Variants in NKAIN3 observed in about 807,000 individuals in gnomAD.
NKAIN3 encodes sodium/potassium transporting ATPase interacting 3, also known as sodium/potassium-transporting ATPase subunit beta-1-interacting protein 3.
NKAIN3 carries 25 observed loss-of-function variants against 30.2 expected under a neutral mutation model. The observed-to-expected ratio is 0.83, with a 90% CI of 0.60 to 1.16. The LOEUF (loss-of-function observed/expected upper bound fraction) is 1.16, where lower values mean the gene tolerates loss of function less well. Ranked by LOEUF, NKAIN3 falls within the 50% of genes most tolerant of loss-of-function variation. The pLI is 0.00. For missense variants in NKAIN3, 225 were observed against 254.1 expected, an observed-to-expected ratio of 0.89 and a Z score of 0.78; for synonymous variants, 91 against 89.6, an observed-to-expected ratio of 1.02 and a Z score of -0.09.
chr8:62,847,697 G>C (rs1006223487), intron 4 of NKAIN3, among the ~76,000 whole-genome samples: 1 of 151,946 alleles, frequency 6.6e-6, no homozygotes, highest in Non-Finnish European at 1.5e-5. Context: ...AGACCCCATC[G>C]GTCAATTTTT....
At chr8:62,481,443 T>C (rs1166615651) in intron 1 of NKAIN3, among the ~76,000 whole-genome samples, 4 of 152,148 alleles carry the variant, frequency 2.6e-5, no homozygotes, top group Non-Finnish European at 5.9e-5. Context: ...AACTCTATCA[T>C]TGGACTTACC....
chr8:62,466,021 T>G (rs1435535663), intron 1 of NKAIN3, among the ~76,000 whole-genome samples: 2 of 151,656 alleles, frequency 1.3e-5, no homozygotes, highest in African/African-American at 4.8e-5. Flanking sequence ...CGAGAGTCCA[T>G]CTAAAAAGAA....
chr8:62,345,169 T>C (rs959488852), intron 1 of NKAIN3, among the ~76,000 whole-genome samples: 4 of 151,636 alleles, frequency 2.6e-5, no homozygotes, highest in African/African-American at 7.3e-5. Context: ...ATCCTGGAAC[T>C]TTACCACATT....
intron 3 of NKAIN3, among the ~76,000 whole-genome samples, chr8:62,723,418 C>T (rs1284933483): frequency 6.6e-6 from 1 of 152,078 alleles, no homozygotes; most frequent in Non-Finnish European, 1.5e-5. Flanking sequence ...TTAGTACCAG[C>T]ATGAATCACA....
intron 3 of NKAIN3, among the ~76,000 whole-genome samples, chr8:62,627,538 G>A (rs1206786663): frequency 6.6e-6 from 1 of 152,086 alleles, no homozygotes; most frequent in African/African-American, 2.4e-5. Flanking sequence ...CAGAGAGAAA[G>A]ATTGTAGGAT....
chr8:62,702,419 T>C (rs920436741), intron 3 of NKAIN3, among the ~76,000 whole-genome samples: 3 of 152,178 alleles, frequency 2.0e-5, no homozygotes, highest in Admixed American at 6.5e-5. Flanking sequence ...AATATGGAGA[T>C]TACGGACGTT....
intron 4 of NKAIN3, among the ~76,000 whole-genome samples, chr8:62,869,026 A>T (rs889963011): frequency 1.3e-5 from 2 of 152,230 alleles, no homozygotes; most frequent in Non-Finnish European, 2.9e-5. Flanking sequence ...GGGCCTGATA[A>T]TCGCAACTAC....
In NKAIN3 at chr8:62,468,231, G is replaced by A. The variant is rs191176827; in HGVS notation, c.55-111308G>A. 3.9e-5 allele frequency among the ~76,000 whole-genome samples: 6 copies of A among 152,042 alleles called. No homozygotes were observed. The South Asian group carries it at 6.2e-4, about 16-fold the overall frequency. On this transcript the variant is annotated intron_variant, in intron 1 of 6. Transcript: ENST00000623646. ...ATCTAATGCAACAATAATGTTAATC[G>A]AATATAAATATAAACAGAAATTAGG...
At chr8:62,528,109 C>T (rs1010838719) in intron 1 of NKAIN3, among the ~76,000 whole-genome samples, 1 of 150,688 alleles carries the variant, frequency 6.6e-6, no homozygotes, top group Admixed American at 6.7e-5. Flanking sequence ...CAGTCCAGTT[C>T]AGGCGGTGAT....
intron 1 of NKAIN3, among the ~76,000 whole-genome samples, chr8:62,459,209 A>G (rs545436033): frequency 1.3e-5 from 2 of 152,300 alleles, no homozygotes; most frequent in South Asian, 4.1e-4. Context: ...TTTGGAGTTG[A>G]AATTCAGCCT....
At chr8:62,698,715 A>G (rs941074269) in intron 3 of NKAIN3, among the ~76,000 whole-genome samples, 1 of 152,236 alleles carries the variant, frequency 6.6e-6, no homozygotes, top group African/African-American at 2.4e-5. Flanking sequence ...ATTTTGATTC[A>G]GCATATTCAT....
intron 5 of NKAIN3, among the ~76,000 whole-genome samples, chr8:62,997,467 T>G (rs892218736): frequency 7.9e-5 from 12 of 152,106 alleles, no homozygotes; most frequent in African/African-American, 2.9e-4. Flanking sequence ...CACAAGGCAC[T>G]TAAATAAAAG....
intron 4 of NKAIN3, among the ~76,000 whole-genome samples, chr8:62,867,004 G>A (rs1374867132): frequency 1.3e-5 from 2 of 149,446 alleles, no homozygotes; most frequent in Admixed American, 6.7e-5. Flanking sequence ...GCAGTGAGCC[G>A]AGATTGCGCC....
chr8:62,663,993 AC>A, intron 3 of NKAIN3, among the ~76,000 whole-genome samples: 1 of 152,152 alleles, frequency 6.6e-6, no homozygotes, highest in Middle Eastern at 3.4e-3. Context: ...TTCCTTACTT[AC>A]ATTTTCACTA....
At chr8:62,709,543 A>G (rs528772190) in intron 3 of NKAIN3, among the ~76,000 whole-genome samples, 1 of 152,076 alleles carries the variant, frequency 6.6e-6, no homozygotes, top group Non-Finnish European at 1.5e-5. Flanking sequence ...TACCTTTTGT[A>G]TTTCAGTGGT....
At chr8:62,621,219 T>C (rs1811610548) in intron 3 of NKAIN3, among the ~76,000 whole-genome samples, 1 of 152,140 alleles carries the variant, frequency 6.6e-6, no homozygotes, top group Admixed American at 6.6e-5. Flanking sequence ...TTATTTAATA[T>C]CAAATCCAGG....
chr8:62,639,142 A>C (rs1016106540), intron 3 of NKAIN3, among the ~76,000 whole-genome samples: 1 of 152,186 alleles, frequency 6.6e-6, no homozygotes, highest in Non-Finnish European at 1.5e-5. Context: ...AGACACAGGA[A>C]AGCAGACAGA....
intron 1 of NKAIN3, among the ~76,000 whole-genome samples, chr8:62,399,761 CAT>C (rs1287069373): frequency 6.6e-6 from 1 of 152,102 alleles, no homozygotes; most frequent in African/African-American, 2.4e-5. Context: ...AAATGAAAGA[CAT>C]AGAAAAGCCA....
At chr8:62,342,789 C>T (rs886887366) in intron 1 of NKAIN3, among the ~76,000 whole-genome samples, 1 of 152,076 alleles carries the variant, frequency 6.6e-6, no homozygotes, top group Admixed American at 6.6e-5. Flanking sequence ...AAAGTTGGGT[C>T]AGGCTGTCAG....
Sources: allele counts gnomAD v4.1 joint callset (sites outside exome capture counted in the v4.1 genomes callset), GRCh38; gene constraint gnomAD v4.1.1; transcripts MANE v1.5; gene names NCBI Gene and HGNC (gene_info 2026-07-23, HGNC 2026-07-21).